CRYZL1: variants seen among roughly 807,000 people sequenced by gnomAD.
The protein encoded by CRYZL1 is ferry endosomal RAB5 effector complex subunit 4.
A neutral mutation model predicts 50.6 loss-of-function variants in CRYZL1; 34 were observed. The observed-to-expected ratio is 0.67, with a 90% CI of 0.51 to 0.89. The LOEUF (loss-of-function observed/expected upper bound fraction) is 0.89, where lower values mean the gene tolerates loss of function less well. Among genes scored for constraint, CRYZL1 ranks in the 40% least tolerant of loss-of-function variants. The probability of loss-of-function intolerance (pLI) is 0.00; values close to 1 mark genes in which losing one functional copy is unlikely to be tolerated. For synonymous variants in CRYZL1, 125 were observed against 134.3 expected, an observed-to-expected ratio of 0.93 and a Z score of 0.48; for missense variants, 354 against 402.3, an observed-to-expected ratio of 0.88 and a Z score of 1.03.
rs201703135 is a variant in CRYZL1 at position 33,608,123 on chromosome 21, A to C, written c.332-4586T>G. 2.0e-5 allele frequency among the ~76,000 whole-genome samples: 3 copies of C among 152,184 alleles called. No individual in the cohort carries two copies. The East Asian group carries it at 5.8e-4, about 29-fold the overall frequency. On this transcript the variant is annotated intron_variant, in intron 6 of 12. Coordinates refer to ENST00000381554, the MANE Select transcript of CRYZL1 (RefSeq NM_145858.3). ...TGAAATGTACAATACTCTATTATTA[A>C]CTATACTCACCATGCTGTGCAAAGA...
rs774342380 is a variant in CRYZL1, at chr21:33,631,450, CACTA to C, written c.66+32_66+35del. Reference sequence around the variant, plus strand: ...AGTGGGTTTATTGCAGATAAAAATACACTAACTACTTTAATGATTAAACATTTTT... The same window carrying C: ...AGTGGGTTTATTGCAGATAAAAATACACTACTTTAATGATTAAACATTTTT... On this transcript the variant is annotated intron_variant, in intron 2 of 12. Coordinates refer to ENST00000381554, the MANE Select transcript of CRYZL1 (RefSeq NM_145858.3). 16 of 1,418,866 alleles carry C rather than the reference CACTA, an allele frequency of 1.1e-5. No homozygotes were observed. The African/African-American group carries it at 1.3e-4, about 12-fold the overall frequency. The allele number at this position is 1,418,866 out of a possible 1,614,324, so 87.9% of individuals were successfully genotyped here. A position where few individuals can be genotyped will look rare whatever the true frequency, so the allele number is the denominator to read the frequency against.
chr21:33,613,557 T>C lies in CRYZL1; in HGVS notation c.312A>G (p.Arg104=), dbSNP rs2086895529. ...ACATACCCAAGTAATGCTCATGTAC[T>C]CTAACAACTTCACAAAGTCCAGGGT... is the stretch of plus-strand genomic sequence containing the variant. ...SEDPGLCEVV[R]VHEHYLVHKP... The change falls in exon 6 of 13, where the codon AGA becomes AGG. Residue 104 remains arginine (R), a synonymous_variant. Coordinates refer to ENST00000381554, the MANE Select transcript of CRYZL1 (RefSeq NM_145858.3). The C allele has an allele frequency of 6.2e-7, 1 of 1,612,802 alleles. No individual in the cohort carries two copies. Among genetic ancestry groups the C allele is most frequent in the African/African-American group, 1.3e-5 (1 of 74,918 alleles).
chr21:33,630,866 G>A (rs930484850), intron 2 of CRYZL1, among the ~76,000 whole-genome samples: 2 of 152,156 alleles, frequency 1.3e-5, no homozygotes, highest in African/African-American at 4.8e-5. Context: ...TCTTGAGAAC[G>A]CTGTGTTAAG....
intron 11 of CRYZL1, chr21:33,595,168 AT>A: frequency 9.3e-7 from 1 of 1,077,224 alleles, no homozygotes; most frequent in African/African-American, 1.7e-5. Context: ...CTCAACTGGA[AT>A]GATTTGGCTT....
chr21:33,603,194 C>G, intron 7 of CRYZL1: 1 of 518,246 alleles, frequency 1.9e-6, no homozygotes, highest in Non-Finnish European at 3.4e-6. Flanking sequence ...AATGTACCAG[C>G]AGATTCAAAG....
At chr21:33,595,685 G>A (rs565429584) in intron 11 of CRYZL1, 46 bp downstream of exon 11, 1 of 1,609,116 alleles carries the variant, frequency 6.2e-7, no homozygotes, top group East Asian at 2.2e-5. Flanking sequence ...ACTTAGTACA[G>A]TACAAAGTTC....
chr21:33,640,118 G>A (rs2087260833), intron 1 of CRYZL1: 9 of 1,541,928 alleles, frequency 5.8e-6, no homozygotes, highest in Middle Eastern at 2.1e-4. Flanking sequence ...GAGCCACCAC[G>A]CTCGGCCAAT....
intron 1 of CRYZL1, among the ~76,000 whole-genome samples, chr21:33,641,460 A>G (rs569395120): frequency 7.4e-4 from 113 of 152,268 alleles, no homozygotes; most frequent in African/African-American, 2.6e-3. Flanking sequence ...TAAGACCTAC[A>G]ATCAAAACCC....
rs183669135 is a variant in CRYZL1, at chr21:33,631,724, T to G, written c.-6-167A>C. On this transcript the variant is annotated intron_variant, in intron 1 of 12. Coordinates refer to ENST00000381554, the MANE Select transcript of CRYZL1 (RefSeq NM_145858.3). ...CACAAAGTGATCAAATAAGAGAATATGCAACACTCTCTGGGCACCTGTCTT... is the reference window on the plus strand; with the variant it reads ...CACAAAGTGATCAAATAAGAGAATAGGCAACACTCTCTGGGCACCTGTCTT... Among the ~76,000 whole-genome samples, 51 of 152,256 alleles carry G rather than the reference T, an allele frequency of 3.3e-4. No homozygotes were observed. In the East Asian group the frequency reaches 9.3e-3, roughly 28 times the overall value.
chr21:33,602,821 C>G (rs1366586920), intron 7 of CRYZL1, among the ~76,000 whole-genome samples: 2 of 152,192 alleles, frequency 1.3e-5, no homozygotes, highest in Non-Finnish European at 2.9e-5. Flanking sequence ...GAAGCCAGTG[C>G]TGAAGACAGC....
intron 2 of CRYZL1, among the ~76,000 whole-genome samples, chr21:33,628,844 A>T (rs946505966): frequency 6.6e-6 from 1 of 151,880 alleles, no homozygotes; most frequent in African/African-American, 2.4e-5. Flanking sequence ...CCTGGGCTCA[A>T]GTGATCTTCC....
intron 1 of CRYZL1, chr21:33,641,169 C>T: frequency 6.5e-7 from 1 of 1,550,250 alleles, no homozygotes; most frequent in East Asian, 2.4e-5. Context: ...TATCCCAAGG[C>T]GATGCTTACA....
At chr21:33,621,127 G>C (rs1171248374) in intron 4 of CRYZL1, among the ~76,000 whole-genome samples, 1 of 148,704 alleles carries the variant, frequency 6.7e-6, no homozygotes, top group Non-Finnish European at 1.5e-5. Flanking sequence ...GGATGGTCTC[G>C]ATCTCCTGAC....
At chr21:33,640,372 G>A (rs1482711146) in intron 1 of CRYZL1, among the ~76,000 whole-genome samples, 1 of 151,644 alleles carries the variant, frequency 6.6e-6, no homozygotes, top group Non-Finnish European at 1.5e-5. Context: ...CAATGGCTGC[G>A]GGATCTGATT....
In CRYZL1 at chr21:33,623,815, C is replaced by T. The variant is rs1343148560; in HGVS notation, c.144+868G>A. Among the ~76,000 whole-genome samples, 5 of 152,248 alleles carry T rather than the reference C, an allele frequency of 3.3e-5. No homozygotes were observed. In the East Asian group the frequency reaches 5.8e-4, roughly 18 times the overall value. The stretch of plus-strand genomic sequence containing the variant: ...TGGACCTGCTCAATTTATCATGGCA[C>T]ATTTAACCACAGTTTATTTACCACT... On this transcript the variant is annotated intron_variant, in intron 3 of 12. Coordinates refer to ENST00000381554, the MANE Select transcript of CRYZL1 (RefSeq NM_145858.3).
intron 3 of CRYZL1, among the ~76,000 whole-genome samples, chr21:33,622,713 T>C (rs2087016681): frequency 6.6e-6 from 1 of 152,200 alleles, no homozygotes; most frequent in African/African-American, 2.4e-5. Context: ...ATACTGTCTT[T>C]AAGCCCGTGG....
intron 3 of CRYZL1, among the ~76,000 whole-genome samples, chr21:33,623,661 A>C (rs1313211477): frequency 2.0e-5 from 3 of 152,188 alleles, no homozygotes; most frequent in African/African-American, 7.2e-5. Flanking sequence ...CCTAAGTGTG[A>C]CTTTATCAAA....
chr21:33,624,495 GCT>G (rs2087037477), intron 3 of CRYZL1, among the ~76,000 whole-genome samples, 186 bp downstream of exon 3: 1 of 152,190 alleles, frequency 6.6e-6, no homozygotes, highest in Non-Finnish European at 1.5e-5. Context: ...GTTGCAGTGA[GCT>G]GAGATTGCAC....
At chr21:33,641,145 C>T (rs866444284) in intron 1 of CRYZL1, 2 of 1,549,276 alleles carry the variant, frequency 1.3e-6, no homozygotes, top group Middle Eastern at 1.7e-4. Context: ...AGATGTTCGG[C>T]CCCGACCCAG....
Sources: gnomAD v4.1 joint callset for allele counts (sites outside exome capture counted in the v4.1 genomes callset) on GRCh38, gnomAD v4.1.1 for gene constraint, MANE v1.5 for transcripts, NCBI Gene and HGNC (gene_info 2026-07-23, HGNC 2026-07-21) for gene names.